The following KCNMA1 variants were observed in gnomAD, a reference collection of about 807,000 sequenced individuals.
The protein encoded by KCNMA1 is Calcium-activated potassium channel subunit alpha-1.
In KCNMA1, 29 loss-of-function variants were observed where a neutral mutation model predicts 140.0. The ratio of observed to expected loss-of-function variants is 0.21; its 90% confidence interval spans 0.15 to 0.28. The LOEUF is 0.28. KCNMA1 is among the 10% of genes least tolerant of loss of function. The pLI is 1.00. For synonymous variants in KCNMA1, 612 were observed against 611.9 expected (o/e 1.00, Z 0.00); for missense variants, 880 against 1,602.2 (o/e 0.55, Z 7.70).
chr10:77,253,049 C>G (rs150900104), intron 2 of KCNMA1, among the ~76,000 whole-genome samples: 16 of 152,284 alleles, frequency 1.1e-4, no homozygotes, highest in Admixed American at 1.3e-4. Flanking sequence ...CAAACAAAAA[C>G]ATGAGCAGGC....
chr10:76,917,373 G>C (rs761566454), intron 23 of KCNMA1, among the ~76,000 whole-genome samples: 156 of 152,246 alleles, frequency 1.0e-3, no homozygotes, highest in Non-Finnish European at 1.9e-3. Flanking sequence ...CAGGTCACAC[G>C]GTATTAGGAA....
chr10:77,154,069 G>A (rs997960455), intron 5 of KCNMA1, among the ~76,000 whole-genome samples: 14 of 152,204 alleles, frequency 9.2e-5, no homozygotes, highest in African/African-American at 3.1e-4. Context: ...TCACGGGGGC[G>A]GTTTCCCTCA....
chr10:76,968,361 T>C (rs1277647191), intron 20 of KCNMA1, among the ~76,000 whole-genome samples: 3 of 152,198 alleles, frequency 2.0e-5, no homozygotes, highest in Non-Finnish European at 2.9e-5. Flanking sequence ...CTTTGAAGCA[T>C]ATGAAAACAG....
chr10:76,951,142 T>G (rs1344135629), intron 21 of KCNMA1, among the ~76,000 whole-genome samples: 1 of 151,792 alleles, frequency 6.6e-6, no homozygotes, highest in African/African-American at 2.4e-5. Flanking sequence ...AATAGGGAGG[T>G]GGGGAAGGCA....
At chr10:76,884,821 TA>T, downstream of KCNMA1, 1 of 1,063,724 alleles carries the variant, frequency 9.4e-7, no homozygotes, top group East Asian at 3.0e-5. Context: ...CAAAACAAAA[TA>T]AATAAAACCA....
intron 1 of KCNMA1, among the ~76,000 whole-genome samples, chr10:77,447,416 T>C (rs539601902): frequency 2.8e-4 from 42 of 152,262 alleles, no homozygotes; most frequent in Non-Finnish European, 5.1e-4. Flanking sequence ...ATGGTCATTA[T>C]TATTATAGCC....
At chr10:77,094,876 G>T (rs2096893565) in intron 9 of KCNMA1, among the ~76,000 whole-genome samples, 2 of 151,472 alleles carry the variant, frequency 1.3e-5, no homozygotes, top group East Asian at 2.0e-4. Flanking sequence ...TTTTCTTTTG[G>T]TTTTTGTAGA....
chr10:77,486,706 G>T (rs943787183), intron 1 of KCNMA1, among the ~76,000 whole-genome samples: 1 of 152,226 alleles, frequency 6.6e-6, no homozygotes, highest in Non-Finnish European at 1.5e-5. Flanking sequence ...GGATGAGAGG[G>T]TGTGTGGAGA....
At chr10:77,570,793 T>TA (rs1421549134) in intron 1 of KCNMA1, among the ~76,000 whole-genome samples, 1 of 151,716 alleles carries the variant, frequency 6.6e-6, no homozygotes, top group Non-Finnish European at 1.5e-5. Context: ...TAGCCAGGTG[T>TA]GGTGGCACAT....
chr10:77,000,843 C>A (rs2086004695), intron 19 of KCNMA1, among the ~76,000 whole-genome samples: 2 of 57,836 alleles, frequency 3.5e-5, no homozygotes, highest in Admixed American at 2.3e-4. Context: ...GTTAGAGAGA[C>A]ATAGTAAAAA....
chr10:77,135,105 G>A (rs1392358719), intron 5 of KCNMA1, among the ~76,000 whole-genome samples: 4 of 148,650 alleles, frequency 2.7e-5, no homozygotes, highest in African/African-American at 9.9e-5. Context: ...CATCTGATAA[G>A]GGCTTAATAT....
chr10:77,281,376 C>T (rs1490829459), intron 2 of KCNMA1, among the ~76,000 whole-genome samples: 2 of 152,196 alleles, frequency 1.3e-5, no homozygotes, highest in African/African-American at 4.8e-5. Context: ...CATTTGAGTG[C>T]TTTCTTGTAC....
At chr10:77,264,530 C>A (rs1171419152) in intron 2 of KCNMA1, among the ~76,000 whole-genome samples, 1 of 152,072 alleles carries the variant, frequency 6.6e-6, no homozygotes, top group Non-Finnish European at 1.5e-5. Context: ...TTCAGCAGAC[C>A]AGGCACACCA....
chr10:77,213,109 A>G (rs2046615984), intron 3 of KCNMA1, among the ~76,000 whole-genome samples: 2 of 152,166 alleles, frequency 1.3e-5, no homozygotes, highest in African/African-American at 4.8e-5. Context: ...CTGAGTAATT[A>G]CATAATTAGA....
At chr10:77,465,653 G>C (rs2097982434) in intron 1 of KCNMA1, among the ~76,000 whole-genome samples, 1 of 152,188 alleles carries the variant, frequency 6.6e-6, no homozygotes, top group African/African-American at 2.4e-5. Context: ...ATCGGCACCT[G>C]GCAAACAGCA....
intron 1 of KCNMA1, among the ~76,000 whole-genome samples, chr10:77,594,064 T>C (rs900312007): frequency 1.3e-5 from 2 of 152,014 alleles, no homozygotes; most frequent in African/African-American, 4.8e-5. Context: ...AATAATTAAA[T>C]AAAGAGAAAT....
chr10:77,140,682 ACT>A (rs2098144301), intron 5 of KCNMA1: 2 of 149,048 alleles, frequency 1.3e-5, no homozygotes. Flanking sequence ...GCCAATAGAC[ACT>A]CTCTCCTCCC....
chr10:77,607,875 C>G (rs1470962967), intron 1 of KCNMA1, among the ~76,000 whole-genome samples: 3 of 152,198 alleles, frequency 2.0e-5, no homozygotes, highest in Admixed American at 2.0e-4. Flanking sequence ...GACACCCACA[C>G]TCAGCCACTC....
intron 2 of KCNMA1, among the ~76,000 whole-genome samples, chr10:77,291,788 G>A (rs1043784662): frequency 5.3e-5 from 8 of 152,134 alleles, no homozygotes; most frequent in African/African-American, 1.7e-4. Flanking sequence ...GCTTTACTTG[G>A]GCTGTTTATT....
Sources: gnomAD v4.1 joint callset for allele counts (sites outside exome capture counted in the v4.1 genomes callset) on GRCh38, gnomAD v4.1.1 for gene constraint, MANE v1.5 for transcripts, NCBI Gene and HGNC (gene_info 2026-07-23, HGNC 2026-07-21) for gene names.